The following EIF4G3 variants were observed in gnomAD, a reference collection of about 807,000 sequenced individuals.
EIF4G3 encodes eIF-4-gamma 3.
In EIF4G3, 34 loss-of-function variants were observed where a neutral mutation model predicts 186.4. The ratio of observed to expected loss-of-function variants is 0.18; its 90% CI spans 0.14 to 0.24. EIF4G3 has a LOEUF of 0.24. Among genes scored for constraint, EIF4G3 ranks in the 10% least tolerant of loss-of-function variants. The pLI, the probability that EIF4G3 is intolerant of heterozygous loss-of-function variation, is 1.00. For missense variants in EIF4G3, 1,536 were observed against 1,948.5 expected (o/e 0.79, Z 3.99); for synonymous variants, 673 against 679.5 (o/e 0.99, Z 0.15).
chr1:21,005,759 CT>C (rs1384082227), intron 4 of EIF4G3, among the ~76,000 whole-genome samples: 3 of 152,054 alleles, frequency 2.0e-5, no homozygotes, highest in Non-Finnish European at 4.4e-5. Flanking sequence ...CCCAATGTGC[CT>C]TTTTCCAGAT....
intron 2 of EIF4G3, among the ~76,000 whole-genome samples, chr1:21,101,086 C>T (rs2096508008): frequency 6.6e-6 from 1 of 151,962 alleles, no homozygotes; most frequent in South Asian, 2.1e-4. Flanking sequence ...AGTTACGGTA[C>T]CTAGAAATAA....
At chr1:21,006,195 T>C (rs1489777692) in intron 4 of EIF4G3, among the ~76,000 whole-genome samples, 1 of 152,234 alleles carries the variant, frequency 6.6e-6, no homozygotes, top group Non-Finnish European at 1.5e-5. Context: ...CTCTACTCTT[T>C]TGATCTCTTC....
chr1:21,088,864 C>A (rs2096081687), intron 3 of EIF4G3, among the ~76,000 whole-genome samples: 1 of 151,434 alleles, frequency 6.6e-6, no homozygotes. Flanking sequence ...AACTCTGTCT[C>A]AAAATAATAA....
chr1:20,944,329 AC>A (rs1226257285), intron 13 of EIF4G3, among the ~76,000 whole-genome samples: 1 of 152,006 alleles, frequency 6.6e-6, no homozygotes, highest in African/African-American at 2.4e-5. Context: ...AGCCTCGGCA[AC>A]ATAGTGAGAC....
intron 3 of EIF4G3, among the ~76,000 whole-genome samples, chr1:21,076,175 C>T (rs1296161833): frequency 2.0e-5 from 3 of 152,108 alleles, no homozygotes; most frequent in African/African-American, 7.2e-5. Context: ...AACTAGAAAT[C>T]AGTAACAAAA....
chr1:21,023,866 C>T (rs1301720887), intron 4 of EIF4G3, among the ~76,000 whole-genome samples: 3 of 139,934 alleles, frequency 2.1e-5, no homozygotes, highest in Non-Finnish European at 4.8e-5. Flanking sequence ...CGTCTCTGCC[C>T]GGCCGCCCAT....
At chr1:21,129,041 G>A (rs1040282318) in intron 2 of EIF4G3, among the ~76,000 whole-genome samples, 6 of 152,098 alleles carry the variant, frequency 3.9e-5, no homozygotes, top group Non-Finnish European at 5.9e-5. Context: ...CTGGCCGGGC[G>A]GGGTAGCTCA....
intron 4 of EIF4G3, among the ~76,000 whole-genome samples, chr1:21,021,700 C>G (rs1212876216): frequency 6.6e-6 from 1 of 152,058 alleles, no homozygotes; most frequent in Admixed American, 6.5e-5. Context: ...GGACTACAGG[C>G]GCGCAGCACA....
intron 34 of EIF4G3, among the ~76,000 whole-genome samples, chr1:20,813,958 T>G (rs903441959): frequency 4.3e-5 from 6 of 138,436 alleles, no homozygotes; most frequent in Admixed American, 7.1e-5. Flanking sequence ...TTTTTTTTTT[T>G]TTTTTTTTTT....
chr1:20,887,688 G>A (rs1463300659), intron 18 of EIF4G3, among the ~76,000 whole-genome samples: 1 of 150,906 alleles, frequency 6.6e-6, no homozygotes, highest in Admixed American at 6.6e-5. Flanking sequence ...AAACCCAGAG[G>A]TATGAGACAC....
chr1:20,962,757 T>C (rs1034262890), intron 12 of EIF4G3, among the ~76,000 whole-genome samples: 37 of 152,200 alleles, frequency 2.4e-4, no homozygotes, highest in African/African-American at 8.0e-4. Context: ...CATCTGGAGA[T>C]GATTAGTGTC....
rs539256501 is a variant in EIF4G3, at chr1:20,807,118, G to A, written c.*201C>T. 99 of 391,388 alleles carry A rather than the reference G, an allele frequency of 2.5e-4. 1 individual carries two copies. Among genetic ancestry groups the A allele is most frequent in the Non-Finnish European group, 3.9e-4 (86 of 223,230 alleles). 24.2% of individuals were successfully genotyped at this position (391,388 alleles called of 1,614,324 possible). A position where few individuals can be genotyped will look rare whatever the true frequency, so the allele number is the denominator to read the frequency against. On this transcript the variant is annotated 3_prime_UTR_variant, in exon 37 of 37. Transcript: ENST00000602326. ...CATGTATTTTGGTTTTAGTGCTCCCGCCCTAAGGTTTGAAGTTTACTTTTA... is the reference window on the plus strand; with the variant it reads ...CATGTATTTTGGTTTTAGTGCTCCCACCCTAAGGTTTGAAGTTTACTTTTA...
At chr1:20,902,477 G>A (rs924487127) in intron 15 of EIF4G3, among the ~76,000 whole-genome samples, 3 of 152,096 alleles carry the variant, frequency 2.0e-5, no homozygotes, top group Non-Finnish European at 4.4e-5. Flanking sequence ...ATCTAAGAAA[G>A]GGGGAGCCTG....
At chr1:20,807,647 G>T in intron 36 of EIF4G3, 147 bp from the exon 37 acceptor site, 3 of 628,260 alleles carry the variant, frequency 4.8e-6, no homozygotes, top group Non-Finnish European at 7.1e-6. Flanking sequence ...ACTTGCTCTT[G>T]ACAGTATAAA....
intron 9 of EIF4G3, 39 bp downstream of exon 9, chr1:20,981,009 C>G: frequency 6.9e-7 from 1 of 1,445,798 alleles, no homozygotes; most frequent in South Asian, 1.7e-5. Flanking sequence ...TTAATTTCCA[C>G]TCTATTGCTG....
chr1:21,091,036 G>C (rs1351394294), intron 2 of EIF4G3, among the ~76,000 whole-genome samples: 4 of 152,114 alleles, frequency 2.6e-5, no homozygotes, highest in Non-Finnish European at 1.5e-5. Context: ...ATAAAGTAAT[G>C]GCAGAATTTC....
intron 27 of EIF4G3, among the ~76,000 whole-genome samples, chr1:20,853,222 T>C (rs145308258): frequency 1.8e-4 from 28 of 152,162 alleles, no homozygotes; most frequent in Non-Finnish European, 3.1e-4. Context: ...GAGAAATGTA[T>C]GGGTGGATTG....
At chr1:20,894,058 G>A (rs898768406) in intron 17 of EIF4G3, among the ~76,000 whole-genome samples, 1 of 152,038 alleles carries the variant, frequency 6.6e-6, no homozygotes, top group Admixed American at 6.6e-5. Context: ...TTTTGATGCT[G>A]TAGACTTATG....
At chr1:21,140,863 T>A (rs528359211) in intron 2 of EIF4G3, among the ~76,000 whole-genome samples, 24 of 152,304 alleles carry the variant, frequency 1.6e-4, no homozygotes, top group Admixed American at 1.1e-3. Context: ...TAAGACTTGT[T>A]ACCAGTTACT....
Sources: allele counts gnomAD v4.1 joint callset (sites outside exome capture counted in the v4.1 genomes callset), GRCh38; gene constraint gnomAD v4.1.1; transcripts MANE v1.5; gene names NCBI Gene and HGNC (gene_info 2026-07-23, HGNC 2026-07-21).